Variants in SEC24A observed in about 807,000 individuals in gnomAD.
The protein encoded by SEC24A is protein transport protein Sec24A.
SEC24A carries 93 observed loss-of-function variants against 129.4 expected under a neutral mutation model. That is an observed-to-expected ratio of 0.72 (90% CI 0.61 to 0.85). The LOEUF is 0.85. Ranked by LOEUF, SEC24A falls within the 40% of genes least tolerant of loss-of-function variation. The pLI is 0.00. For synonymous variants in SEC24A, 460 were observed against 467.3 expected, an observed-to-expected ratio of 0.98 and a Z score of 0.20; for missense variants, 1,264 against 1,307.4, an observed-to-expected ratio of 0.97 and a Z score of 0.51.
At position 134,726,145 on chromosome 5, in the gene SEC24A, C is replaced by T. The variant is rs1752753566; in HGVS notation, c.*1051C>T. The T allele has an allele frequency of 6.6e-6, 1 of 152,462 alleles. No individual in the cohort carries two copies. The highest frequency in any genetic ancestry group is 6.6e-5 in the Admixed American group (1 of 15,256). 9.4% of individuals were successfully genotyped at this position (152,462 alleles called of 1,614,324 possible). On this transcript the variant is annotated 3_prime_UTR_variant, in exon 23 of 23. Coordinates refer to ENST00000398844, the MANE Select transcript of SEC24A (RefSeq NM_021982.3). ...GGTGGATATTAAGATTATACACATC[C>T]AACATATTAAAGTTATGAAAGAAAC...
At chr5:134,689,766 GAAA>G (rs748091382) in intron 11 of SEC24A, among the ~76,000 whole-genome samples, 37 of 92,802 alleles carry the variant, frequency 4.0e-4, no homozygotes, top group South Asian at 3.8e-3. Flanking sequence ...TCCATCTCAA[GAAA>G]AAAAAAAAAA....
intron 11 of SEC24A, among the ~76,000 whole-genome samples, chr5:134,691,657 C>G (rs1751657543): frequency 6.6e-6 from 1 of 151,954 alleles, no homozygotes; most frequent in African/African-American, 2.4e-5. Flanking sequence ...TGCCCACCAC[C>G]ACGCCTGGCT....
chr5:134,721,197 A>T (rs867060863), intron 21 of SEC24A, 107 bp downstream of exon 21: 1 of 653,390 alleles, frequency 1.5e-6, no homozygotes, highest in Non-Finnish European at 2.7e-6. Flanking sequence ...CATACCAAAA[A>T]TTTTTATTGA....
Position 134,665,162 on chromosome 5 carries a change from T to C in SEC24A, c.566-1661T>C, listed in dbSNP as rs1750614068. On this transcript the variant is annotated intron_variant, in intron 2 of 22. Coordinates refer to ENST00000398844, the MANE Select transcript of SEC24A (RefSeq NM_021982.3). Reference sequence around the variant, plus strand: ...AGTATTGGTGAAACATTTTGAAAAATTTCAGGCTGAGCGTGGTGGCTCACG... The same window carrying C: ...AGTATTGGTGAAACATTTTGAAAAACTTCAGGCTGAGCGTGGTGGCTCACG... 2.0e-5 allele frequency among the ~76,000 whole-genome samples: 3 copies of C among 151,716 alleles called. No homozygotes were observed. In the South Asian group the frequency reaches 6.3e-4, roughly 32 times the overall value.
intron 3 of SEC24A, among the ~76,000 whole-genome samples, chr5:134,667,511 C>T (rs1750702478): frequency 2.0e-5 from 3 of 151,512 alleles, no homozygotes; most frequent in South Asian, 2.1e-4. Context: ...ATTAGCCAGG[C>T]GTGGTGGCAA....
In SEC24A at chr5:134,666,804, A is replaced by G. The variant is rs749627938; in HGVS notation, c.566-19A>G. The stretch of plus-strand genomic sequence containing the variant: ...TCTTGAGTTCTCAAGTGACGTGTGA[A>G]AAACCAATGTTTCCATAGGTCCTTC... On this transcript the variant is annotated intron_variant, in intron 2 of 22. Transcript: ENST00000398844. 47 of 1,613,206 alleles carry G rather than the reference A, an allele frequency of 2.9e-5. No individual in the cohort carries two copies. In the South Asian group the frequency reaches 4.6e-4, roughly 16 times the overall value.
intron 1 of SEC24A, among the ~76,000 whole-genome samples, chr5:134,660,213 A>C (rs1750403448): frequency 6.6e-6 from 1 of 151,804 alleles, no homozygotes. Context: ...AAAAAAAAAA[A>C]AAATTAGGCC....
chr5:134,724,106 TTTC>T (rs759955837), intron 22 of SEC24A, among the ~76,000 whole-genome samples: 2 of 152,212 alleles, frequency 1.3e-5, no homozygotes, highest in Non-Finnish European at 2.9e-5. Flanking sequence ...TTGACTAACA[TTTC>T]TTCTTTCCTT....
Position 134,694,291 on chromosome 5 carries a change from C to G in SEC24A, c.1986+358C>G, listed in dbSNP as rs118129665. Among the ~76,000 whole-genome samples the G allele has an allele frequency of 1.3e-3, 203 of 152,058 alleles. 1 individual carries two copies. The highest frequency in any genetic ancestry group is 4.6e-3 in the African/African-American group (191 of 41,490). ...CTGTAATCCCAACATCTTGGGAGGC[C>G]GAGTTGGGCAGTTCATCTGAGGTTG... is the stretch of plus-strand genomic sequence containing the variant. On this transcript the variant is annotated intron_variant, in intron 13 of 22. Coordinates refer to ENST00000398844, the MANE Select transcript of SEC24A (RefSeq NM_021982.3).
rs760147671 is a variant in SEC24A at position 134,682,411 on chromosome 5, T to C, written c.1420T>C (p.Tyr474His). ...CTTGTACAACCCTTTGACCAGAGTT[T>C]ATGGAGAACCTCACAGAAGACCAGA... ...EFLYNPLTRV[Y>H]GEPHRRPEVQ... The change falls in exon 9 of 23, where the codon TAT (tyrosine) becomes CAT (histidine). Residue 474 changes from tyrosine to histidine, a missense_variant. Transcript: ENST00000398844. The C allele has an allele frequency of 1.2e-6, 2 of 1,608,386 alleles. No homozygotes were observed. The highest frequency in any genetic ancestry group is 1.3e-5 in the African/African-American group (1 of 74,808).
intron 15 of SEC24A, among the ~76,000 whole-genome samples, chr5:134,703,346 C>A (rs969210749): frequency 1.3e-5 from 2 of 152,070 alleles, no homozygotes; most frequent in African/African-American, 4.8e-5. Context: ...TAGCTCACTG[C>A]AACCTCTGCC....
intron 15 of SEC24A, among the ~76,000 whole-genome samples, chr5:134,700,365 G>T (rs1177646520): frequency 1.3e-5 from 2 of 151,724 alleles, no homozygotes; most frequent in African/African-American, 2.4e-5. Flanking sequence ...GACCACAGGC[G>T]CATGCCACCA....
At chr5:134,649,576 G>A (rs1749980524) in intron 1 of SEC24A, among the ~76,000 whole-genome samples, 1 of 152,130 alleles carries the variant, frequency 6.6e-6, no homozygotes, top group Non-Finnish European at 1.5e-5. Flanking sequence ...GAAGTGGGGT[G>A]GGGGTCGTAC....
At chr5:134,693,418 T>C in intron 12 of SEC24A, 1 of 1,355,552 alleles carries the variant, frequency 7.4e-7, no homozygotes, top group South Asian at 1.7e-5. Context: ...AGGCCATATT[T>C]CATGGCATTA....
intron 4 of SEC24A, among the ~76,000 whole-genome samples, chr5:134,674,388 T>C (rs1049898598): frequency 6.6e-6 from 1 of 151,968 alleles, no homozygotes; most frequent in African/African-American, 2.4e-5. Context: ...TACAAAAACA[T>C]TAGCCGGGCA....
chr5:134,660,575 CTT>C (rs551519421), intron 1 of SEC24A, among the ~76,000 whole-genome samples: 49 of 139,148 alleles, frequency 3.5e-4, no homozygotes, highest in Non-Finnish European at 3.5e-4. Flanking sequence ...TTTAGTCCAT[CTT>C]TTTTTTTTTT....
chr5:134,699,694 C>CTTTTT, intron 15 of SEC24A, among the ~76,000 whole-genome samples: 1 of 139,156 alleles, frequency 7.2e-6, no homozygotes, highest in African/African-American at 2.9e-5. Context: ...AGTTTGTACT[C>CTTTTT]TCTTTTTTTT....
At chr5:134,649,317 G>T (rs1317062175) in intron 1 of SEC24A, 144 bp downstream of exon 1, 1 of 532,602 alleles carries the variant, frequency 1.9e-6, no homozygotes, top group Non-Finnish European at 3.3e-6. Flanking sequence ...TGGGCCAGGG[G>T]ACCACGGCAG....
rs559636588 is a variant in SEC24A at position 134,717,507 on chromosome 5, CAAAAAG to C, written c.2866-543_2866-538del. Among the ~76,000 whole-genome samples, 946 of 151,682 alleles carry C rather than the reference CAAAAAG, an allele frequency of 6.2e-3. 7 individuals carry two copies. The highest frequency in any genetic ancestry group is 9.7e-3 in the Non-Finnish European group (657 of 67,932). On this transcript the variant is annotated intron_variant, in intron 19 of 22. Coordinates refer to ENST00000398844, the MANE Select transcript of SEC24A (RefSeq NM_021982.3). The stretch of plus-strand genomic sequence containing the variant: ...TGGCAACAAGAGTGAAACTCTGTCT[CAAAAAG>C]AAAAAGAAAAAGAAAAAGGAAACAA...
Sources: gnomAD v4.1 joint callset for allele counts (sites outside exome capture counted in the v4.1 genomes callset) on GRCh38, gnomAD v4.1.1 for gene constraint, MANE v1.5 for transcripts, NCBI Gene and HGNC (gene_info 2026-07-23, HGNC 2026-07-21) for gene names.